NCK1: variants seen among roughly 807,000 people sequenced by gnomAD.
The protein encoded by NCK1 is NCK adaptor protein 1.
A neutral mutation model predicts 36.6 loss-of-function variants in NCK1; 19 were observed. That is an observed-to-expected ratio of 0.52 (90% CI 0.36 to 0.76). The LOEUF is 0.76. NCK1 is among the 30% of genes least tolerant of loss of function. The probability of loss-of-function intolerance (pLI) is 0.00; values close to 1 mark genes in which losing one functional copy is unlikely to be tolerated. For synonymous variants in NCK1, 165 were observed against 156.0 expected, an observed-to-expected ratio of 1.06 and a Z score of -0.43; for missense variants, 358 against 445.6, an observed-to-expected ratio of 0.80 and a Z score of 1.77.
At chr3:136,870,227 A>G (rs1938573050) in intron 1 of NCK1, among the ~76,000 whole-genome samples, 1 of 151,808 alleles carries the variant, frequency 6.6e-6, no homozygotes, top group African/African-American at 2.4e-5. Context: ...CTGTAATCCC[A>G]GCTACTTGGG....
chr3:136,862,822 GTGCTGCGGGTGGACATC>G (rs1938277102), intron 1 of NCK1, among the ~76,000 whole-genome samples: 1 of 152,240 alleles, frequency 6.6e-6, no homozygotes, highest in Non-Finnish European at 1.5e-5. Context: ...AGCCTGCGCG[GTGCTGCGGGTGGACATC>G]TTCGGGACGC....
chr3:136,920,773 G>A (rs979060164), intron 1 of NCK1, among the ~76,000 whole-genome samples: 11 of 152,020 alleles, frequency 7.2e-5, no homozygotes, highest in East Asian at 1.9e-4. Context: ...TTATGAAAAC[G>A]TGTAACATAA....
chr3:136,908,220 G>A (rs983592413), intron 1 of NCK1, among the ~76,000 whole-genome samples: 2 of 152,270 alleles, frequency 1.3e-5, no homozygotes, highest in African/African-American at 4.8e-5. Context: ...GTCCGCAACC[G>A]TATCACTTCG....
chr3:136,918,986 A>G (rs1031386384), intron 1 of NCK1, among the ~76,000 whole-genome samples: 1 of 152,238 alleles, frequency 6.6e-6, no homozygotes, highest in African/African-American at 2.4e-5. Context: ...AGTTCTCATT[A>G]AATAAATGAT....
chr3:136,910,158 T>C (rs1939797713), intron 1 of NCK1, among the ~76,000 whole-genome samples: 1 of 152,232 alleles, frequency 6.6e-6, no homozygotes, highest in African/African-American at 2.4e-5. Context: ...GCTGCATTAC[T>C]GTCTTTTGTG....
intron 1 of NCK1, among the ~76,000 whole-genome samples, chr3:136,918,453 T>C (rs1306563055): frequency 1.3e-5 from 2 of 152,198 alleles, no homozygotes; most frequent in African/African-American, 4.8e-5. Context: ...TGACTTAACG[T>C]ATACAGGAGG....
chr3:136,884,941 G>A (rs1187672680), intron 1 of NCK1, among the ~76,000 whole-genome samples: 1 of 151,916 alleles, frequency 6.6e-6, no homozygotes, highest in African/African-American at 2.4e-5. Context: ...GGCTGGTCTT[G>A]AACTCCTGAC....
chr3:136,912,492 C>CTTTTT (rs75755018), intron 1 of NCK1, among the ~76,000 whole-genome samples: 1 of 145,592 alleles, frequency 6.9e-6, no homozygotes, highest in Non-Finnish European at 1.5e-5. Flanking sequence ...TTTCTTCAGT[C>CTTTTT]TTTTTTTTTT....
intron 1 of NCK1, among the ~76,000 whole-genome samples, chr3:136,892,924 T>G (rs971903188): frequency 1.3e-5 from 2 of 151,978 alleles, no homozygotes; most frequent in African/African-American, 4.8e-5. Flanking sequence ...AACAGCAATG[T>G]ACACTGTACC....
chr3:136,878,301 T>C lies in NCK1; in HGVS notation c.-19+15948T>C, dbSNP rs1438941328. Among the ~76,000 whole-genome samples the C allele has an allele frequency of 2.0e-5, 3 of 152,102 alleles. No individual in the cohort carries two copies. The East Asian group carries it at 5.8e-4, about 29-fold the overall frequency. ...GCAGGCACCTATAATCCCAGTTACA[T>C]GGGAGGCTGAAGCAGGAGAGTCGTT... is the stretch of plus-strand genomic sequence containing the variant. On this transcript the variant is annotated intron_variant, in intron 1 of 3. Transcript: ENST00000481752.
rs1293385888 is a variant in NCK1 at position 136,862,280 on chromosome 3, C to T, written c.-92C>T. 1 of 152,638 alleles carries T rather than the reference C, an allele frequency of 6.6e-6. No homozygotes were observed. Among genetic ancestry groups the T allele is most frequent in the East Asian group, 1.9e-4 (1 of 5,198 alleles). 9.5% of individuals were successfully genotyped at this position (152,638 alleles called of 1,614,324 possible). On this transcript the variant is annotated 5_prime_UTR_variant, in exon 1 of 4. Transcript: ENST00000481752. ...AGCGCAGGCCTCGTGCCGTTACGGC[C>T]ATCACGGCGGCCGCAGTGGCGTCCT...
chr3:136,937,002 G>A (rs1940547539), intron 2 of NCK1, among the ~76,000 whole-genome samples: 1 of 151,942 alleles, frequency 6.6e-6, no homozygotes, highest in Non-Finnish European at 1.5e-5. Flanking sequence ...TGTTTTTTTG[G>A]TTGCTTATGC....
intron 1 of NCK1, among the ~76,000 whole-genome samples, chr3:136,897,971 T>C (rs1235436742): frequency 6.6e-6 from 1 of 152,230 alleles, no homozygotes; most frequent in Non-Finnish European, 1.5e-5. Flanking sequence ...ACTTGACAAC[T>C]ACTTTCTGAA....
chr3:136,870,547 A>C (rs1290734376), intron 1 of NCK1, among the ~76,000 whole-genome samples: 1 of 151,950 alleles, frequency 6.6e-6, no homozygotes, highest in Non-Finnish European at 1.5e-5. Flanking sequence ...ATTTGCAAGT[A>C]CTACATGCTC....
chr3:136,942,281 C>T (rs1940698501), intron 2 of NCK1, among the ~76,000 whole-genome samples: 1 of 152,198 alleles, frequency 6.6e-6, no homozygotes, highest in South Asian at 2.1e-4. Context: ...TTGCTTTCAG[C>T]ATCAGATCAG....
At chr3:136,879,954 C>T (rs978402750) in intron 1 of NCK1, among the ~76,000 whole-genome samples, 14 of 140,522 alleles carry the variant, frequency 1.0e-4, no homozygotes, top group African/African-American at 3.4e-4. Context: ...CAAACCTGCA[C>T]GTTGTGCACA....
intron 1 of NCK1, among the ~76,000 whole-genome samples, chr3:136,874,257 C>G (rs1344434096): frequency 6.6e-6 from 1 of 152,164 alleles, no homozygotes; most frequent in East Asian, 1.9e-4. Context: ...CTCACTGCAA[C>G]TTCTGCCTCC....
At chr3:136,863,857 T>G (rs1938322782) in intron 1 of NCK1, among the ~76,000 whole-genome samples, 1 of 151,966 alleles carries the variant, frequency 6.6e-6, no homozygotes, top group African/African-American at 2.4e-5. Flanking sequence ...ATCCCAGCAC[T>G]TTGGGAGGCT....
chr3:136,899,419 CTT>C (rs34828302), intron 1 of NCK1: 30 of 199,450 alleles, frequency 1.5e-4, no homozygotes, highest in Non-Finnish European at 2.0e-4. Context: ...CATTTCTTTT[CTT>C]TTTTTTTTTT....
Sources: gnomAD v4.1 joint callset for allele counts (sites outside exome capture counted in the v4.1 genomes callset) on GRCh38, gnomAD v4.1.1 for gene constraint, MANE v1.5 for transcripts, NCBI Gene and HGNC (gene_info 2026-07-23, HGNC 2026-07-21) for gene names.